The following APP variants were observed in gnomAD, a reference collection of about 807,000 sequenced individuals.
APP encodes amyloid-beta precursor protein.
Under a neutral mutation model 101.4 loss-of-function variants are expected in APP, and 31 were observed. The observed-to-expected ratio is 0.31, with a 90% CI of 0.23 to 0.41. The LOEUF (loss-of-function observed/expected upper bound fraction) is 0.41. APP is among the 10% of genes least tolerant of loss of function. The pLI, the probability that APP is intolerant of heterozygous loss-of-function variation, is 1.00. For missense variants in APP, 839 were observed against 1,003.7 expected (o/e 0.84, Z 2.22); for synonymous variants, 366 against 364.4 (o/e 1.00, Z -0.05).
chr21:25,946,090 G>C (rs1035648728), intron 13 of APP: 1 of 306,648 alleles, frequency 3.3e-6, no homozygotes, highest in Admixed American at 4.7e-5. Flanking sequence ...ATGAATCAAA[G>C]ATTTAACTGT....
intron 11 of APP, among the ~76,000 whole-genome samples, chr21:25,962,733 C>T (rs1479295984): frequency 6.6e-6 from 1 of 152,210 alleles, no homozygotes; most frequent in Non-Finnish European, 1.5e-5. Flanking sequence ...AAACATCTCA[C>T]ATATTGTGTT....
rs34021818 is a variant in APP at position 25,968,322 on chromosome 21, C to CTT, written c.1458+6746_1458+6747dup. Reference sequence around the variant, plus strand: ...ATCATGCCTGGCTAATTAAAAAAATCTTTTTTTTTTTTTTTTTTTGTAGAG... The same window carrying CTT: ...ATCATGCCTGGCTAATTAAAAAAATCTTTTTTTTTTTTTTTTTTTTTGTAGAG... On this transcript the variant is annotated intron_variant, in intron 11 of 17. Coordinates refer to ENST00000346798, the MANE Select transcript of APP (RefSeq NM_000484.4). 4.7e-3 allele frequency among the ~76,000 whole-genome samples: 530 copies of CTT among 113,830 alleles called. 7 individuals carry two copies. The highest frequency in any genetic ancestry group is 0.014 in the African/African-American group (414 of 29,294). The allele number at this position is 113,830 out of a possible 152,430, so 74.7% of individuals were successfully genotyped here. A position where few individuals can be genotyped will look rare whatever the true frequency, so the allele number is the denominator to read the frequency against.
In APP at chr21:25,944,038, C is replaced by T. The variant is rs181665234; in HGVS notation, c.1687+10552G>A. ...GATGGGCAGACAAATTTCAATGCCC[C>T]CCCCCAACCAAAAGCAAAGACACAA... On this transcript the variant is annotated intron_variant, in intron 13 of 17. Transcript: ENST00000346798. Among the ~76,000 whole-genome samples, 11 of 152,022 alleles carry T rather than the reference C, an allele frequency of 7.2e-5. No homozygotes were observed. The East Asian group carries it at 1.9e-3, about 27-fold the overall frequency.
intron 13 of APP, among the ~76,000 whole-genome samples, chr21:25,913,114 G>A (rs374980372): frequency 6.6e-6 from 1 of 152,144 alleles, no homozygotes; most frequent in Non-Finnish European, 1.5e-5. Context: ...AATTTGATTT[G>A]TAACATTTTA....
At chr21:26,080,120 G>A (rs1020979654) in intron 3 of APP, among the ~76,000 whole-genome samples, 5 of 152,124 alleles carry the variant, frequency 3.3e-5, no homozygotes, top group African/African-American at 1.2e-4. Context: ...GTGAAATTCC[G>A]TCTCAATAAA....
rs117861745 is a variant in APP, at chr21:26,077,950, C to A, written c.355+11993G>T. Among the ~76,000 whole-genome samples the A allele has an allele frequency of 7.2e-4, 109 of 152,244 alleles. 1 individual carries two copies. The East Asian group carries it at 0.02, about 27-fold the overall frequency. ...TGAACACTGAAACAAATATTGAGAACCTTCTTTGTCAAGTACTAAAATCTG... is the reference window on the plus strand; with the variant it reads ...TGAACACTGAAACAAATATTGAGAAACTTCTTTGTCAAGTACTAAAATCTG... On this transcript the variant is annotated intron_variant, in intron 3 of 17. Transcript: ENST00000346798.
chr21:25,964,423 A>G (rs1333117260), intron 11 of APP, among the ~76,000 whole-genome samples: 1 of 152,206 alleles, frequency 6.6e-6, no homozygotes, highest in Admixed American at 6.5e-5. Flanking sequence ...TTGCAGAAAG[A>G]GGAGAAAAAT....
At chr21:25,927,002 CAAAAAAAAAAAA>C (rs36048306) in intron 13 of APP, among the ~76,000 whole-genome samples, 5 of 67,270 alleles carry the variant, frequency 7.4e-5, no homozygotes, top group African/African-American at 2.5e-4. Context: ...GACTCCGTCT[CAAAAAAAAAAAA>C]AAAAAAAAAA....
intron 13 of APP, among the ~76,000 whole-genome samples, chr21:25,914,786 T>C (rs551158989): frequency 7.2e-5 from 11 of 152,134 alleles, no homozygotes; most frequent in Admixed American, 3.3e-4. Context: ...ATCTCCTGAC[T>C]TCGTGATCCG....
At chr21:26,051,255 T>C in intron 4 of APP, 62 bp from the exon 5 acceptor site, 1 of 1,480,210 alleles carries the variant, frequency 6.8e-7, no homozygotes, top group Admixed American at 1.9e-5. Context: ...GTAAGAAAAC[T>C]CCACATAAAA....
chr21:26,078,517 G>A (rs1384606555), intron 3 of APP, among the ~76,000 whole-genome samples: 1 of 152,116 alleles, frequency 6.6e-6, no homozygotes, highest in Non-Finnish European at 1.5e-5. Flanking sequence ...TTCAGTTAAT[G>A]CCATTATTTT....
chr21:26,053,536 A>T (rs962393475), intron 3 of APP, 188 bp from the exon 4 acceptor site: 2 of 528,126 alleles, frequency 3.8e-6, no homozygotes, highest in African/African-American at 3.8e-5. Flanking sequence ...GTTTCTTGCC[A>T]CTTCAAGTTT....
At chr21:26,001,628 A>G (rs939821978) in intron 6 of APP, among the ~76,000 whole-genome samples, 2 of 152,192 alleles carry the variant, frequency 1.3e-5, no homozygotes, top group Non-Finnish European at 2.9e-5. Context: ...CCTCCCAAGT[A>G]GCTGGGATTA....
At chr21:25,950,381 CT>C (rs57124711) in intron 13 of APP, among the ~76,000 whole-genome samples, 5,464 of 132,946 alleles carry the variant, frequency 0.041, 214 homozygotes, top group East Asian at 0.19. Flanking sequence ...TTTTTTTTTT[CT>C]TTTTTTTTTT....
intron 1 of APP, among the ~76,000 whole-genome samples, chr21:26,142,069 G>A (rs1402606679): frequency 6.6e-6 from 1 of 152,170 alleles, no homozygotes; most frequent in Non-Finnish European, 1.5e-5. Context: ...ACAGTATCCA[G>A]AATCCAGATG....
At chr21:26,120,105 T>C (rs2062532470) in intron 1 of APP, among the ~76,000 whole-genome samples, 1 of 152,234 alleles carries the variant, frequency 6.6e-6, no homozygotes, top group Non-Finnish European at 1.5e-5. Context: ...TTGTGGGCTA[T>C]AATAAATGGT....
intron 5 of APP, among the ~76,000 whole-genome samples, chr21:26,042,546 C>T (rs1394821327): frequency 6.6e-6 from 1 of 152,174 alleles, no homozygotes; most frequent in Non-Finnish European, 1.5e-5. Context: ...TAGCACTGTG[C>T]CACCTACAAA....
intron 13 of APP, among the ~76,000 whole-genome samples, chr21:25,946,243 T>G (rs956081023): frequency 6.6e-6 from 1 of 152,174 alleles, no homozygotes. Flanking sequence ...AATTGAAAAT[T>G]TTTGTGTGTC....
chr21:25,981,225 A>G (rs1426940346), intron 9 of APP, among the ~76,000 whole-genome samples: 3 of 152,242 alleles, frequency 2.0e-5, no homozygotes, highest in African/African-American at 7.2e-5. Context: ...ATTGTCTACT[A>G]AAGACTGACT....
Sources: gnomAD v4.1 joint callset for allele counts (sites outside exome capture counted in the v4.1 genomes callset) on GRCh38, gnomAD v4.1.1 for gene constraint, MANE v1.5 for transcripts, NCBI Gene and HGNC (gene_info 2026-07-23, HGNC 2026-07-21) for gene names.